Variants in DGKB observed in about 807,000 individuals in gnomAD.
The protein encoded by DGKB is diacylglycerol kinase beta.
Under a neutral mutation model 114.3 loss-of-function variants are expected in DGKB, and 67 were observed. The observed-to-expected ratio is 0.59, with a 90% CI of 0.48 to 0.72. The LOEUF (loss-of-function observed/expected upper bound fraction) is 0.72. Ranked by LOEUF, DGKB falls within the 30% of genes least tolerant of loss-of-function variation. The pLI is 0.00. For synonymous variants in DGKB, 398 were observed against 323.1 expected (o/e 1.23, Z -2.49); for missense variants, 907 against 975.2 (o/e 0.93, Z 0.93).
At chr7:14,652,752 C>A (rs1814844853) in intron 13 of DGKB, among the ~76,000 whole-genome samples, 1 of 152,058 alleles carries the variant, frequency 6.6e-6, no homozygotes, top group Admixed American at 6.6e-5. Context: ...ATCTACTCAT[C>A]TGACAAAGGG....
intron 17 of DGKB, among the ~76,000 whole-genome samples, chr7:14,589,002 G>A (rs1309183343): frequency 6.6e-6 from 1 of 151,876 alleles, no homozygotes; most frequent in Admixed American, 6.6e-5. Context: ...CGTATAATAT[G>A]AATTAAGTTT....
chr7:14,713,343 G>A (rs879941570), intron 6 of DGKB, among the ~76,000 whole-genome samples: 3 of 151,938 alleles, frequency 2.0e-5, no homozygotes, highest in East Asian at 1.9e-4. Context: ...ATTTAGAAAA[G>A]GCACTTAAGC....
In DGKB at chr7:14,712,444, G is replaced by A. The variant is rs183746177; in HGVS notation, c.466+6098C>T. Among the ~76,000 whole-genome samples the A allele has an allele frequency of 5.2e-3, 797 of 151,968 alleles. 5 individuals are homozygous for A. The highest frequency in any genetic ancestry group is 0.018 in the African/African-American group (735 of 41,444). On this transcript the variant is annotated intron_variant, in intron 6 of 25. Transcript: ENST00000402815. ...GTTATAGAAATAGAGAAAATGAGGC[G>A]GGCGGATATTTGAGGTCAGGAGTTC...
chr7:14,926,536 A>C (rs1040438685), intron 1 of DGKB, among the ~76,000 whole-genome samples: 1 of 151,108 alleles, frequency 6.6e-6, no homozygotes, highest in African/African-American at 2.4e-5. Flanking sequence ...GGATCTGTGA[A>C]GAATAAGCTT....
intron 1 of DGKB, among the ~76,000 whole-genome samples, chr7:14,922,375 CGTGTGTGTGT>C (rs150420213): frequency 2.3e-4 from 27 of 118,280 alleles, no homozygotes; most frequent in East Asian, 8.2e-4. Flanking sequence ...GTGTATCCAT[CGTGTGTGTGT>C]GTGTGTGTGT....
chr7:14,583,076 C>G lies in DGKB; in HGVS notation c.1495G>C (p.Val499Leu), dbSNP rs1800189904. The stretch of plus-strand genomic sequence containing the variant: ...CCTATGCAATCCAAAACCCAGCCCA[C>G]GGTTCCATCTCCACCACAGGCTAAC... The part of the protein sequence containing the change: ...RVLACGGDGT[V>L]GWVLDCIEKA... Residue 499 changes from valine to leucine, a missense_variant, in exon 18 of 26, where the codon GTG (valine) becomes CTG (leucine). Transcript: ENST00000402815. 6.2e-7 allele frequency: 1 copy of G among 1,612,992 alleles called. No homozygotes were observed. Among genetic ancestry groups the G allele is most frequent in the Non-Finnish European group, 8.5e-7 (1 of 1,179,358 alleles).
At chr7:14,788,194 A>C (rs1840163735) in intron 2 of DGKB, among the ~76,000 whole-genome samples, 1 of 152,188 alleles carries the variant, frequency 6.6e-6, no homozygotes, top group African/African-American at 2.4e-5. Context: ...CCCTGATACA[A>C]AACAGATCTG....
chr7:14,966,014 A>T (rs185407296), intron 1 of DGKB, among the ~76,000 whole-genome samples: 1 of 152,240 alleles, frequency 6.6e-6, no homozygotes, highest in Admixed American at 6.5e-5. Context: ...GTTTATTGAC[A>T]ATAATTTTAT....
chr7:14,467,915 G>C (rs1313476673), intron 21 of DGKB, among the ~76,000 whole-genome samples: 1 of 151,968 alleles, frequency 6.6e-6, no homozygotes, highest in South Asian at 2.1e-4. Context: ...AAAAGTTCAA[G>C]CCAGGCTTAC....
chr7:14,748,176 T>C (rs565691207), intron 4 of DGKB, among the ~76,000 whole-genome samples: 1 of 152,198 alleles, frequency 6.6e-6, no homozygotes, highest in African/African-American at 2.4e-5. Flanking sequence ...GGCTCTGTTC[T>C]AGGTGTTTGG....
intron 23 of DGKB, among the ~76,000 whole-genome samples, chr7:14,296,760 GTTTTTTTT>G (rs56367420): frequency 3.0e-5 from 3 of 100,836 alleles, no homozygotes; most frequent in South Asian, 3.7e-4. Flanking sequence ...TCCAGGGACT[GTTTTTTTT>G]TTTTTTTTTT....
At chr7:14,477,455 T>C (rs549223019) in intron 21 of DGKB, among the ~76,000 whole-genome samples, 15 of 152,186 alleles carry the variant, frequency 9.9e-5, no homozygotes, top group African/African-American at 2.4e-4. Context: ...ATGAGTATAA[T>C]TGAAGCAAAA....
At chr7:14,799,054 G>A (rs1841794830) in intron 2 of DGKB, among the ~76,000 whole-genome samples, 1 of 152,206 alleles carries the variant, frequency 6.6e-6, no homozygotes, top group Admixed American at 6.5e-5. Flanking sequence ...TCTGGCTCAT[G>A]CAGAAGACAG....
chr7:14,759,250 T>C (rs1400269230), intron 2 of DGKB, among the ~76,000 whole-genome samples: 4 of 152,220 alleles, frequency 2.6e-5, no homozygotes, highest in African/African-American at 9.6e-5. Context: ...TTAAGTGAGA[T>C]AAAATTCGTG....
At chr7:14,797,906 A>G (rs1014845692) in intron 2 of DGKB, among the ~76,000 whole-genome samples, 2 of 152,144 alleles carry the variant, frequency 1.3e-5, no homozygotes, top group African/African-American at 4.8e-5. Flanking sequence ...TCCCATGACC[A>G]AGTGGAATAA....
intron 6 of DGKB, among the ~76,000 whole-genome samples, chr7:14,709,193 C>T (rs1418385720): frequency 6.6e-6 from 1 of 152,280 alleles, no homozygotes; most frequent in East Asian, 1.9e-4. Flanking sequence ...GACATTTATG[C>T]AGCCAACAGG....
At chr7:14,595,764 A>G (rs1802477476) in intron 17 of DGKB, among the ~76,000 whole-genome samples, 1 of 152,032 alleles carries the variant, frequency 6.6e-6, no homozygotes, top group African/African-American at 2.4e-5. Flanking sequence ...GTAATTTAAA[A>G]TAATATTTGT....
chr7:14,283,833 C>G (rs7791336), intron 23 of DGKB, among the ~76,000 whole-genome samples: 31,185 of 151,648 alleles, frequency 0.21, 4,840 homozygotes, highest in African/African-American at 0.43. Context: ...GAAACTGGAT[C>G]CCTTCCTTAC....
intron 1 of DGKB, among the ~76,000 whole-genome samples, chr7:14,843,322 T>A (rs1275331331): frequency 1.8e-4 from 19 of 106,844 alleles, no homozygotes; most frequent in Admixed American, 8.3e-4. Context: ...TAACTTTTTT[T>A]TTTTTTTTTT....
Sources: allele counts gnomAD v4.1 joint callset (sites outside exome capture counted in the v4.1 genomes callset), GRCh38; gene constraint gnomAD v4.1.1; transcripts MANE v1.5; gene names NCBI Gene and HGNC (gene_info 2026-07-23, HGNC 2026-07-21).